Variants in PRR35 observed in about 807,000 individuals in gnomAD.
The protein encoded by PRR35 is proline-rich protein 35.
PRR35 carries 14 observed loss-of-function variants against 18.6 expected under a neutral mutation model. The ratio of observed to expected loss-of-function variants is 0.75; its 90% CI spans 0.50 to 1.18. The LOEUF is 1.18. PRR35 is among the 50% of genes most tolerant of loss of function. PRR35 has a pLI of 0.00. For missense variants in PRR35, 832 were observed against 792.2 expected, an observed-to-expected ratio of 1.05 and a Z score of -0.60; for synonymous variants, 425 against 378.2, an observed-to-expected ratio of 1.12 and a Z score of -1.43.
chr16:561,447 T>TGGG (rs536429482), intron 1 of PRR35, among the ~76,000 whole-genome samples: 1 of 151,458 alleles, frequency 6.6e-6, no homozygotes, highest in African/African-American at 2.4e-5. Flanking sequence ...TCCACATGGG[T>TGGG]GGGGGGGGCG....
At chr16:562,434 TCACA>T (rs1426824479) in intron 1 of PRR35, among the ~76,000 whole-genome samples, 1 of 151,990 alleles carries the variant, frequency 6.6e-6, no homozygotes, top group East Asian at 1.9e-4. Flanking sequence ...ACACACGCAC[TCACA>T]CATGCATGCA....
At chr16:564,398 T>G in intron 2 of PRR35, 22 bp downstream of exon 2, 4 of 1,588,130 alleles carry the variant, frequency 2.5e-6, no homozygotes, top group Non-Finnish European at 3.4e-6. Flanking sequence ...GGGCTCCCGG[T>G]TCCTGGGGTG....
chr16:560,294 G>T, upstream of PRR35: 17 of 952,302 alleles, frequency 1.8e-5, no homozygotes, highest in Non-Finnish European at 2.1e-5. Flanking sequence ...CGGGGTTCGG[G>T]CCGGGGGCTG....
At position 565,135 on chromosome 16, in the gene PRR35, ACAC is replaced by A. The variant is rs761392497; in HGVS notation, c.1550_1552del (p.Thr517del). Reference sequence around the variant, plus strand: ...GCAGCGCCCCAACCCTTCTCTGGCCACACCACCAAGTGTGAGGCCGACTCCAGC... The same window carrying A: ...GCAGCGCCCCAACCCTTCTCTGGCCACACCAAGTGTGAGGCCGACTCCAGC... On this transcript the variant is annotated inframe_deletion, in exon 3 of 3. Coordinates refer to ENST00000409413, the MANE Select transcript of PRR35 (RefSeq NM_145270.3). The A allele has an allele frequency of 1.2e-6, 2 of 1,606,690 alleles. No homozygotes were observed. The highest frequency in any genetic ancestry group is 1.7e-6 in the Non-Finnish European group (2 of 1,176,702).
chr16:565,180 TC>T lies in PRR35; in HGVS notation c.1594del (p.Leu532SerfsTer109), dbSNP rs1181692118. 6.8e-6 allele frequency: 11 copies of T among 1,609,900 alleles called. No individual in the cohort carries two copies. Among genetic ancestry groups the T allele is most frequent in the Non-Finnish European group, 8.5e-6 (10 of 1,178,800 alleles). On this transcript the variant is annotated frameshift_variant, in exon 3 of 3. Transcript: ENST00000409413. LOFTEE classifies it low-confidence loss of function (END_TRUNC). ...GACTCCAGCGTCCCACCCCCAGGGC[TC>T]CCCCTCGCAGCCCCAGATGACCCTG... ...EADSSVPPPG[L>X]PLAAPDDPVI...
intron 1 of PRR35, among the ~76,000 whole-genome samples, chr16:562,669 G>T (rs2035459832): frequency 6.6e-6 from 1 of 152,244 alleles, no homozygotes; most frequent in Non-Finnish European, 1.5e-5. Flanking sequence ...TCATCTCAGT[G>T]CCTTTTCCTA....
At position 563,717 on chromosome 16, in the gene PRR35, A is replaced by AC. The variant is rs2035481749; in HGVS notation, c.428dup (p.Val144CysfsTer3). 9 of 1,541,562 alleles carry AC rather than the reference A, an allele frequency of 5.8e-6. No individual in the cohort carries two copies. The highest frequency in any genetic ancestry group is 3.9e-5 in the Admixed American group (2 of 51,890). On this transcript the variant is annotated frameshift_variant, in exon 2 of 3. Transcript: ENST00000409413. LOFTEE classifies it high-confidence loss of function. Reference sequence around the variant, plus strand: ...GGGCCAAGGGGTCCCCAGGGCCACCACCCCCTGTGGCTAGGGCCACCCGGA... The same window carrying AC: ...GGGCCAAGGGGTCCCCAGGGCCACCACCCCCCTGTGGCTAGGGCCACCCGGA...
chr16:564,558 C>A, intron 2 of PRR35, 116 bp from the exon 3 acceptor site: 1 of 1,403,740 alleles, frequency 7.1e-7, no homozygotes, highest in Non-Finnish European at 9.4e-7. Context: ...TCGGGGTCTC[C>A]AGGAGAGCCT....
upstream of PRR35, among the ~76,000 whole-genome samples, chr16:560,105 G>A (rs1596372527): frequency 6.6e-6 from 1 of 151,806 alleles, no homozygotes; most frequent in East Asian, 1.9e-4. Flanking sequence ...CAACGGGGGC[G>A]GGAGGCGCCG....
intron 1 of PRR35, chr16:561,670 C>T (rs2035437579): frequency 1.1e-6 from 1 of 937,990 alleles, no homozygotes; most frequent in South Asian, 4.9e-5. Flanking sequence ...TGGACTTCTC[C>T]AGCCCTGTTG....
intron 1 of PRR35, 44 bp from the exon 2 acceptor site, chr16:563,212 T>A: frequency 6.9e-7 from 1 of 1,440,080 alleles, no homozygotes; most frequent in South Asian, 1.4e-5. Flanking sequence ...GAGTGGGGAG[T>A]TAGTCAGAGG....
intron 1 of PRR35, among the ~76,000 whole-genome samples, chr16:562,035 G>A (rs905041710): frequency 1.3e-5 from 2 of 152,244 alleles, no homozygotes; most frequent in African/African-American, 4.8e-5. Context: ...ACTGGGTGAG[G>A]GCTCTGTGTG....
chr16:560,755 G>C (rs1278652706), intron 1 of PRR35, 94 bp downstream of exon 1: 1 of 916,346 alleles, frequency 1.1e-6, no homozygotes, highest in Non-Finnish European at 1.3e-6. Context: ...AGGCGTGTGG[G>C]GGGCGCGGGG....
Position 565,173 on chromosome 16 carries a change from C to A in PRR35, c.1582C>A (p.Pro528Thr). 1 of 1,610,892 alleles carries A rather than the reference C, an allele frequency of 6.2e-7. No homozygotes were observed. Among genetic ancestry groups the A allele is most frequent in the African/African-American group, 1.3e-5 (1 of 74,970 alleles). The part of the protein sequence containing the change: ...KCEADSSVPP[P>T]GLPLAAPDDP... ...TGAGGCCGACTCCAGCGTCCCACCC[C>A]CAGGGCTCCCCCTCGCAGCCCCAGA... Residue 528 changes from proline to threonine, a missense_variant, in exon 3 of 3, where the codon CCA becomes ACA. By Grantham distance (38) the Pro-to-Thr change is conservative. This residue lies in a region of PRR35 where 768 missense variants were observed against 704.1 expected (regional missense o/e 1.09). Transcript: ENST00000409413.
rs774457161 is a variant in PRR35, at chr16:565,316, G to A, written c.*9G>A. The stretch of plus-strand genomic sequence containing the variant: ...AGGGCGCCGAGGTCTGACCTGCAGC[G>A]CCTGAGGTCTGACTGTCTCTGCCTG... On this transcript the variant is annotated 3_prime_UTR_variant, in exon 3 of 3. Coordinates refer to ENST00000409413, the MANE Select transcript of PRR35 (RefSeq NM_145270.3). 1.8e-5 allele frequency: 26 copies of A among 1,475,174 alleles called. No individual in the cohort carries two copies. Among genetic ancestry groups the A allele is most frequent in the South Asian group, 4.2e-5 (3 of 70,758 alleles). 91.4% of individuals were successfully genotyped at this position (1,475,174 alleles called of 1,614,324 possible).
At position 565,351 on chromosome 16, in the gene PRR35, G is replaced by C. The variant is rs767530686; in HGVS notation, c.*44G>C. ...TGACTGTCTCTGCCTGCAGCATGCC[G>C]GCCCCTCTCCTGCAGCCCCTGCCCC... On this transcript the variant is annotated 3_prime_UTR_variant, in exon 3 of 3. Coordinates refer to ENST00000409413, the MANE Select transcript of PRR35 (RefSeq NM_145270.3). The C allele has an allele frequency of 2.1e-6, 3 of 1,424,674 alleles. No individual in the cohort carries two copies. The highest frequency in any genetic ancestry group is 2.9e-5 in the African/African-American group (2 of 68,256). The allele number at this position is 1,424,674 out of a possible 1,614,324, so 88.3% of individuals were successfully genotyped here.
In PRR35 at chr16:563,727, G is replaced by T. The variant is rs2035481999; in HGVS notation, c.433G>T (p.Ala145Ser). ...GTCCCCAGGGCCACCACCCCCTGTG[G>T]CTAGGGCCACCCGGAAGGGTCCCGG... ...KGSPGPPPPV[A>S]RATRKGPGPS... Residue 145 changes from alanine (A) to serine (S), a missense_variant, in exon 2 of 3, where the codon GCT becomes TCT. This residue lies in a region of PRR35 where 768 missense variants were observed against 704.1 expected (regional missense o/e 1.09). Coordinates refer to ENST00000409413, the MANE Select transcript of PRR35 (RefSeq NM_145270.3). 1.3e-6 allele frequency: 2 copies of T among 1,535,196 alleles called. No individual in the cohort carries two copies. The highest frequency in any genetic ancestry group is 1.7e-6 in the Non-Finnish European group (2 of 1,144,544).
At chr16:562,397 C>T (rs2035447687) in intron 1 of PRR35, among the ~76,000 whole-genome samples, 1 of 152,258 alleles carries the variant, frequency 6.6e-6, no homozygotes, top group Non-Finnish European at 1.5e-5. Flanking sequence ...AGAGCAGGCT[C>T]TGTGCCGCCT....
Position 565,399 on chromosome 16 carries a change from G to A in PRR35, c.*92G>A, listed in dbSNP as rs1052330397. On this transcript the variant is annotated 3_prime_UTR_variant, in exon 3 of 3. Coordinates refer to ENST00000409413, the MANE Select transcript of PRR35 (RefSeq NM_145270.3). ...CCCTCACCTGCCTGGGACCTGCCCC[G>A]CCTCCGCATGCATGTGGATAGACCC... 1.6e-5 allele frequency: 21 copies of A among 1,306,108 alleles called. No homozygotes were observed. The highest frequency in any genetic ancestry group is 5.0e-5 in the South Asian group (3 of 60,358). 80.9% of individuals were successfully genotyped at this position (1,306,108 alleles called of 1,614,324 possible). A position where few individuals can be genotyped will look rare whatever the true frequency, so the allele number is the denominator to read the frequency against.
Sources: gnomAD v4.1 joint callset for allele counts (sites outside exome capture counted in the v4.1 genomes callset) on GRCh38, gnomAD v4.1.1 for gene constraint, gnomAD v4.1.1 regional missense constraint, MANE v1.5 for transcripts, NCBI Gene and HGNC (gene_info 2026-07-23, HGNC 2026-07-21) for gene names.